The following FER variants were observed in gnomAD, a reference collection of about 807,000 sequenced individuals.
The protein encoded by FER is tyrosine-protein kinase Fer.
Under a neutral mutation model 111.0 loss-of-function variants are expected in FER, and 63 were observed. The observed-to-expected ratio is 0.57, with a 90% CI of 0.46 to 0.70. The LOEUF (loss-of-function observed/expected upper bound fraction) is 0.70. Among genes scored for constraint, FER ranks in the 30% least tolerant of loss-of-function variants. The pLI, the probability that FER is intolerant of heterozygous loss-of-function variation, is 0.00. For synonymous variants in FER, 327 were observed against 313.9 expected (o/e 1.04, Z -0.44); for missense variants, 914 against 954.0 (o/e 0.96, Z 0.55).
intron 17 of FER, among the ~76,000 whole-genome samples, chr5:109,122,917 T>C (rs1034603195): frequency 6.6e-6 from 1 of 152,194 alleles, no homozygotes; most frequent in Admixed American, 6.5e-5. Context: ...TTGCACGGAA[T>C]ATCTTTTTTC....
intron 10 of FER, among the ~76,000 whole-genome samples, chr5:108,926,320 T>A (rs974686881): frequency 6.6e-6 from 1 of 152,030 alleles, no homozygotes; most frequent in Non-Finnish European, 1.5e-5. Flanking sequence ...TTCTTAATCC[T>A]CTTAAATTTT....
chr5:108,892,165 C>T (rs1373086619), intron 9 of FER, among the ~76,000 whole-genome samples: 3 of 152,056 alleles, frequency 2.0e-5, no homozygotes, highest in Non-Finnish European at 4.4e-5. Flanking sequence ...ATTTATAGTC[C>T]TTTGGGTATA....
At chr5:109,104,625 T>C (rs1238872181) in intron 17 of FER, among the ~76,000 whole-genome samples, 1 of 152,158 alleles carries the variant, frequency 6.6e-6, no homozygotes, top group Non-Finnish European at 1.5e-5. Context: ...CTTGACTTAA[T>C]TGTGGACATT....
chr5:108,960,424 C>T (rs1758991898), intron 13 of FER, among the ~76,000 whole-genome samples: 1 of 151,922 alleles, frequency 6.6e-6, no homozygotes, highest in Admixed American at 6.6e-5. Context: ...GAACAGTTTT[C>T]TATAATTATG....
intron 9 of FER, among the ~76,000 whole-genome samples, chr5:108,889,166 T>C (rs1444258765): frequency 1.3e-5 from 2 of 151,806 alleles, no homozygotes; most frequent in Admixed American, 1.3e-4. Flanking sequence ...CTGAAAAAAC[T>C]AAAAATAGAG....
At chr5:108,845,605 T>C (rs753114671) in intron 5 of FER, among the ~76,000 whole-genome samples, 1 of 152,036 alleles carries the variant, frequency 6.6e-6, no homozygotes, top group Non-Finnish European at 1.5e-5. Context: ...CTCCTTCTTT[T>C]TCTTTTTCTT....
chr5:108,980,942 A>G (rs997222759), intron 13 of FER, among the ~76,000 whole-genome samples: 2 of 152,126 alleles, frequency 1.3e-5, no homozygotes, highest in African/African-American at 4.8e-5. Context: ...TTAAAGGGGA[A>G]AAGAATAACT....
Position 109,180,827 on chromosome 5 carries a change from A to G in FER, c.2129A>G (p.Asp710Gly), listed in dbSNP as rs547479509. 2 of 1,613,700 alleles carry G rather than the reference A, an allele frequency of 1.2e-6. No homozygotes were observed. The highest frequency in any genetic ancestry group is 1.6e-4 in the Middle Eastern group (1 of 6,062). ...GACTTTGGAATGTCTCGTCAAGAGG[A>G]TGGTGGAGTGTATTCATCTTCTGGC... ...ISDFGMSRQEDGGVYSSSGLK... is the reference protein window; with the variant it reads ...ISDFGMSRQEGGGVYSSSGLK... Residue 710 changes from aspartate to glycine, a missense_variant, in exon 18 of 20, where the codon GAT (aspartate) becomes GGT (glycine). By Grantham distance (94) the Asp-to-Gly change is moderately conservative. Around this residue, in one of 3 missense-constraint regions of FER, gnomAD observed 134 missense variants for 149.4 expected, o/e 0.90. Transcript: ENST00000281092.
In FER at chr5:109,190,073, GCAAA is replaced by G. The variant is rs1272281409; in HGVS notation, c.*2501_*2504del. The G allele has an allele frequency of 1.1e-4, 17 of 151,994 alleles. No homozygotes were observed. The highest frequency in any genetic ancestry group is 2.7e-4 in the African/African-American group (11 of 41,386). The allele number at this position is 151,994 out of a possible 1,614,324, so 9.4% of individuals were successfully genotyped here. ...GTCACATGCATTAAGAAAAACTTAC[GCAAA>G]CAGTTTTTCACTGTTAATTTTGTTG... On this transcript the variant is annotated 3_prime_UTR_variant, in exon 20 of 20. Coordinates refer to ENST00000281092, the MANE Select transcript of FER (RefSeq NM_005246.4).
intron 17 of FER, 126 bp from the exon 18 acceptor site, chr5:109,180,621 A>G (rs1758193416): frequency 2.8e-6 from 3 of 1,056,108 alleles, no homozygotes; most frequent in Admixed American, 5.6e-5. Flanking sequence ...CTGGTAAATC[A>G]CAAGCATTCT....
At chr5:109,031,236 A>T (rs977585570) in intron 13 of FER, among the ~76,000 whole-genome samples, 6 of 152,076 alleles carry the variant, frequency 3.9e-5, no homozygotes, top group African/African-American at 1.4e-4. Context: ...AGGATGGAAG[A>T]CATCCTGCCA....
chr5:108,912,467 T>C (rs189301580), intron 10 of FER, among the ~76,000 whole-genome samples: 1 of 152,300 alleles, frequency 6.6e-6, no homozygotes, highest in Non-Finnish European at 1.5e-5. Flanking sequence ...GTTCAAGAGA[T>C]TCTCATGCCT....
At chr5:108,855,552 C>T (rs1762920835) in intron 5 of FER, among the ~76,000 whole-genome samples, 1 of 139,236 alleles carries the variant, frequency 7.2e-6, no homozygotes, top group South Asian at 2.2e-4. Context: ...ACCCGGGAGG[C>T]GGAACTTGCA....
intron 17 of FER, among the ~76,000 whole-genome samples, chr5:109,135,960 C>G (rs772328198): frequency 6.6e-6 from 1 of 152,012 alleles, no homozygotes; most frequent in South Asian, 2.1e-4. Flanking sequence ...AAAGCATATA[C>G]TGCTATAAGA....
intron 13 of FER, among the ~76,000 whole-genome samples, chr5:108,991,385 G>A (rs375524726): frequency 3.3e-5 from 5 of 151,670 alleles, no homozygotes; most frequent in East Asian, 3.9e-4. Context: ...GAAGTGTCAC[G>A]GCCCCCCCAA....
chr5:108,872,296 T>C, intron 8 of FER, 84 bp downstream of exon 8: 1 of 1,304,484 alleles, frequency 7.7e-7, no homozygotes, highest in Non-Finnish European at 1.0e-6. Context: ...ATATCAATTA[T>C]TTTTACAAGT....
chr5:109,079,496 C>G (rs753470027), intron 16 of FER, among the ~76,000 whole-genome samples: 4 of 152,084 alleles, frequency 2.6e-5, no homozygotes, highest in South Asian at 4.1e-4. Context: ...CATATTAGAC[C>G]ATATTTACTG....
At chr5:109,034,026 A>T (rs1432463564) in intron 13 of FER, among the ~76,000 whole-genome samples, 1 of 152,162 alleles carries the variant, frequency 6.6e-6, no homozygotes, top group East Asian at 1.9e-4. Context: ...GCAATTTTGA[A>T]GTAGAAATAC....
chr5:109,131,482 G>A (rs7709840), intron 17 of FER, among the ~76,000 whole-genome samples: 5,191 of 152,054 alleles, frequency 0.034, 142 homozygotes, highest in South Asian at 0.084. Flanking sequence ...ATGAGCTTTA[G>A]CATTAATAAT....
Sources: allele counts gnomAD v4.1 joint callset (sites outside exome capture counted in the v4.1 genomes callset), GRCh38; gene constraint gnomAD v4.1.1; regional missense constraint gnomAD v4.1.1; transcripts MANE v1.5; gene names NCBI Gene and HGNC (gene_info 2026-07-23, HGNC 2026-07-21).